The following GALNT10 variants were observed in gnomAD, a reference collection of about 807,000 sequenced individuals.
The protein encoded by GALNT10 is polypeptide N-acetylgalactosaminyltransferase 10, also known as GalNAc transferase 10.
A neutral mutation model predicts 75.0 loss-of-function variants in GALNT10; 41 were observed. That is an observed-to-expected ratio of 0.55 (90% CI 0.43 to 0.71). The LOEUF (loss-of-function observed/expected upper bound fraction) is 0.71, where lower values mean the gene tolerates loss of function less well. Ranked by LOEUF, GALNT10 falls within the 30% of genes least tolerant of loss-of-function variation. The pLI is 0.00. For synonymous variants in GALNT10, 302 were observed against 313.0 expected, an observed-to-expected ratio of 0.96 and a Z score of 0.37; for missense variants, 727 against 818.5, an observed-to-expected ratio of 0.89 and a Z score of 1.36.
chr5:154,224,657 T>C (rs1009930337), intron 1 of GALNT10, among the ~76,000 whole-genome samples: 1 of 152,258 alleles, frequency 6.6e-6, no homozygotes, highest in Non-Finnish European at 1.5e-5. Context: ...TTATTCATTC[T>C]ATAAACAGTC....
At chr5:154,371,409 C>T (rs1446721751) in intron 4 of GALNT10, among the ~76,000 whole-genome samples, 1 of 152,148 alleles carries the variant, frequency 6.6e-6, no homozygotes, top group African/African-American at 2.4e-5. Context: ...CACAACAACT[C>T]CTCCTTATGC....
At chr5:154,255,760 A>G (rs4385265) in intron 1 of GALNT10, among the ~76,000 whole-genome samples, 98,342 of 151,138 alleles carry the variant, frequency 0.65, 32,360 homozygotes, top group East Asian at 0.86. Context: ...CATTAAAATG[A>G]GAGCTGGGAG....
chr5:154,345,497 A>G (rs987026102), intron 4 of GALNT10, among the ~76,000 whole-genome samples: 3 of 151,938 alleles, frequency 2.0e-5, no homozygotes, highest in Admixed American at 6.6e-5. Flanking sequence ...CTCTGTAACT[A>G]TGAGTTCAAC....
intron 1 of GALNT10, among the ~76,000 whole-genome samples, chr5:154,238,280 A>G (rs1273890371): frequency 1.4e-5 from 2 of 139,134 alleles, no homozygotes; most frequent in Non-Finnish European, 3.1e-5. Flanking sequence ...TCCTTCAACC[A>G]TAAAGTTTTA....
intron 1 of GALNT10, among the ~76,000 whole-genome samples, chr5:154,203,819 G>A (rs79274536): frequency 1.2e-4 from 18 of 152,160 alleles, no homozygotes; most frequent in Admixed American, 1.0e-3. Context: ...CTCCTCTTTC[G>A]AAAAGTTCCA....
intron 1 of GALNT10, among the ~76,000 whole-genome samples, chr5:154,199,370 A>C (rs1453347291): frequency 6.6e-6 from 1 of 152,120 alleles, no homozygotes; most frequent in East Asian, 1.9e-4. Context: ...TCTCCCCAGG[A>C]GTGCTTCAGG....
chr5:154,311,908 G>C (rs538293935), intron 3 of GALNT10, among the ~76,000 whole-genome samples: 3 of 152,022 alleles, frequency 2.0e-5, no homozygotes, highest in Admixed American at 6.6e-5. Context: ...CACCGTACCC[G>C]GTGGAGGGAA....
chr5:154,351,417 C>T (rs1434399171), intron 4 of GALNT10, among the ~76,000 whole-genome samples: 1 of 152,176 alleles, frequency 6.6e-6, no homozygotes. Context: ...AACCAAATAC[C>T]CATGGTTATT....
chr5:154,342,023 G>T (rs1236989359), intron 4 of GALNT10, among the ~76,000 whole-genome samples: 1 of 152,104 alleles, frequency 6.6e-6, no homozygotes, highest in African/African-American at 2.4e-5. Context: ...TTGCGGGTTG[G>T]GTGAGGACTG....
At position 154,255,861 on chromosome 5, in the gene GALNT10, T is replaced by TCCTCC. The variant is rs1292431443; in HGVS notation, c.160-38954_160-38950dup. ...CCCTCCCCTCCCCTCCCCTCCCCTC[T>TCCTCC]CCTCCTCTCCCCTGCCTTCCCTTCT... is the stretch of plus-strand genomic sequence containing the variant. On this transcript the variant is annotated intron_variant, in intron 1 of 11. Coordinates refer to ENST00000297107, the MANE Select transcript of GALNT10 (RefSeq NM_198321.4). 1.9e-4 allele frequency among the ~76,000 whole-genome samples: 21 copies of TCCTCC among 108,670 alleles called. 1 individual carries two copies. In the South Asian group the frequency reaches 4.2e-3, roughly 22 times the overall value. 71.3% of individuals were successfully genotyped at this position (108,670 alleles called of 152,430 possible).
intron 1 of GALNT10, among the ~76,000 whole-genome samples, chr5:154,293,613 A>ATATATATATATATATATATATATTTTTT: frequency 2.7e-5 from 3 of 109,358 alleles, no homozygotes; most frequent in African/African-American, 8.5e-5. Flanking sequence ...ATATATATAT[A>ATATATATATATATATATATATATTTTTT]TTTTTTTTTT....
chr5:154,255,888 CCT>C (rs542713549), intron 1 of GALNT10, among the ~76,000 whole-genome samples: 194 of 141,786 alleles, frequency 1.4e-3, no homozygotes, highest in African/African-American at 4.8e-3. Context: ...TTCCCTTCTT[CCT>C]CTCTCTCTTC....
Position 154,416,013 on chromosome 5 carries a change from A to G in GALNT10, c.1653+81A>G. 1 of 1,290,674 alleles carries G rather than the reference A, an allele frequency of 7.7e-7. No homozygotes were observed. Among genetic ancestry groups the G allele is most frequent in the Non-Finnish European group, 1.1e-6 (1 of 916,748 alleles). The allele number at this position is 1,290,674 out of a possible 1,614,324, so 80.0% of individuals were successfully genotyped here. ...ACAGTGCTTCACCCCTTCTTTCAAC[A>G]GAGCCCATCCACTTATTCATTTGTG... is the stretch of plus-strand genomic sequence containing the variant. On this transcript the variant is annotated intron_variant, in intron 11 of 11. Transcript: ENST00000297107. This position sits in a 1 kb window ranked among gnomAD's most constrained non-coding sequence, Gnocchi z 4.5.
intron 1 of GALNT10, among the ~76,000 whole-genome samples, chr5:154,291,334 T>C (rs963266556): frequency 7.9e-5 from 12 of 152,182 alleles, no homozygotes; most frequent in Admixed American, 7.9e-4. Flanking sequence ...GCCTAACCCT[T>C]GCTACTCAAA....
At chr5:154,373,533 TGTG>T (rs1346029573) in intron 4 of GALNT10, among the ~76,000 whole-genome samples, 1 of 152,160 alleles carries the variant, frequency 6.6e-6, no homozygotes, top group Non-Finnish European at 1.5e-5. Flanking sequence ...GTAGCCAGTT[TGTG>T]GTGGTGGTGT....
At chr5:154,349,774 C>T (rs1755179698) in intron 4 of GALNT10, 2 of 152,048 alleles carry the variant, frequency 1.3e-5, no homozygotes, top group Non-Finnish European at 2.9e-5. Flanking sequence ...GTTTATGAGT[C>T]AGTGGGAACA....
At chr5:154,225,512 T>C (rs1279662227) in intron 1 of GALNT10, among the ~76,000 whole-genome samples, 1 of 151,872 alleles carries the variant, frequency 6.6e-6, no homozygotes, top group Non-Finnish European at 1.5e-5. Flanking sequence ...CAACTCAGCC[T>C]CCTGAGTAGC....
chr5:154,301,263 C>T lies in GALNT10; in HGVS notation c.401+3184C>T, dbSNP rs185173193. ...AGGCAACAAAGCCCTGTGATGTCCCCCAAGGAAAGCATTTGCTTTCACATC... is the reference window on the plus strand; with the variant it reads ...AGGCAACAAAGCCCTGTGATGTCCCTCAAGGAAAGCATTTGCTTTCACATC... On this transcript the variant is annotated intron_variant, in intron 3 of 11. Transcript: ENST00000297107. Among the ~76,000 whole-genome samples, 918 of 152,212 alleles carry T rather than the reference C, an allele frequency of 6.0e-3. 5 individuals are homozygous for T. The highest frequency in any genetic ancestry group is 6.8e-3 in the Admixed American group (104 of 15,294).
At chr5:154,378,109 A>G (rs1755684451) in intron 5 of GALNT10, among the ~76,000 whole-genome samples, 1 of 152,230 alleles carries the variant, frequency 6.6e-6, no homozygotes, top group South Asian at 2.1e-4. Context: ...TGCTTCTTCC[A>G]ATAGAAATGT....
Sources: gnomAD v4.1 joint callset for allele counts (sites outside exome capture counted in the v4.1 genomes callset) on GRCh38, gnomAD v4.1.1 for gene constraint, Gnocchi (gnomAD v3.1) non-coding constraint, MANE v1.5 for transcripts, NCBI Gene and HGNC (gene_info 2026-07-23, HGNC 2026-07-21) for gene names.